The following GALNT17 variants were observed in gnomAD, a reference collection of about 807,000 sequenced individuals.
GALNT17 encodes polypeptide N-acetylgalactosaminyltransferase 17, also known as UDP-GalNAc:polypeptide N-acetylgalactosaminyltransferase-like 3.
A neutral mutation model predicts 63.7 loss-of-function variants in GALNT17; 29 were observed. The ratio of observed to expected loss-of-function variants is 0.46; its 90% confidence interval spans 0.34 to 0.62. The LOEUF is 0.62. GALNT17 is among the 20% of genes least tolerant of loss of function. The pLI is 0.01. For missense variants in GALNT17, 603 were observed against 799.6 expected, an observed-to-expected ratio of 0.75 and a Z score of 2.97; for synonymous variants, 305 against 318.3, an observed-to-expected ratio of 0.96 and a Z score of 0.45.
At chr7:71,323,162 C>A (rs538146270) in intron 1 of GALNT17, among the ~76,000 whole-genome samples, 3 of 152,136 alleles carry the variant, frequency 2.0e-5, no homozygotes, top group African/African-American at 7.2e-5. Context: ...AAAGTGTAAT[C>A]TGCATGATTG....
At chr7:71,486,385 T>C (rs190866975) in intron 5 of GALNT17, among the ~76,000 whole-genome samples, 1 of 130,106 alleles carries the variant, frequency 7.7e-6, no homozygotes, top group Admixed American at 8.0e-5. Flanking sequence ...ATAATAATAA[T>C]AATAGTAAAT....
At chr7:71,441,282 T>C (rs2116518371) in intron 5 of GALNT17, among the ~76,000 whole-genome samples, 1 of 152,140 alleles carries the variant, frequency 6.6e-6, no homozygotes, top group East Asian at 1.9e-4. Context: ...TGGCCTCCCA[T>C]ACCAAATTTT....
At chr7:71,500,809 A>G (rs1788168540) in intron 5 of GALNT17, among the ~76,000 whole-genome samples, 1 of 152,058 alleles carries the variant, frequency 6.6e-6, no homozygotes, top group Admixed American at 6.5e-5. Flanking sequence ...GGCCATGGTT[A>G]AGACAATTCC....
chr7:71,518,333 A>T (rs1788475618), intron 5 of GALNT17, among the ~76,000 whole-genome samples: 1 of 152,152 alleles, frequency 6.6e-6, no homozygotes, highest in African/African-American at 2.4e-5. Flanking sequence ...AATTATCTTC[A>T]TATCATCATT....
intron 1 of GALNT17, among the ~76,000 whole-genome samples, chr7:71,275,178 T>C (rs923116664): frequency 1.3e-5 from 2 of 152,178 alleles, no homozygotes; most frequent in Non-Finnish European, 2.9e-5. Flanking sequence ...CAAGTAAATA[T>C]AATAATCCTT....
At chr7:71,649,452 G>C (rs1790724249) in intron 6 of GALNT17, among the ~76,000 whole-genome samples, 1 of 152,166 alleles carries the variant, frequency 6.6e-6, no homozygotes, top group Non-Finnish European at 1.5e-5. Flanking sequence ...GTTTTTAAGA[G>C]GATGGGTGAT....
intron 2 of GALNT17, among the ~76,000 whole-genome samples, chr7:71,377,112 A>ATATATATATATATATAT (rs1563047568): frequency 5.2e-5 from 3 of 57,240 alleles, no homozygotes; most frequent in Non-Finnish European, 9.6e-5. Context: ...AAAAATAAAA[A>ATATATATATATATATAT]AAATATATAT....
In GALNT17 at chr7:71,373,216, G is replaced by A. The variant is rs541718958; in HGVS notation, c.423-15019G>A. Among the ~76,000 whole-genome samples the A allele has an allele frequency of 7.9e-5, 12 of 152,294 alleles. No homozygotes were observed. The East Asian group carries it at 2.1e-3, about 27-fold the overall frequency. ...TTCACTAGCCTTGGAAGATGGCCAC[G>A]TTCTTACCAGGAATGGTGGAGTCCC... On this transcript the variant is annotated intron_variant, in intron 2 of 10. Transcript: ENST00000333538.
intron 1 of GALNT17, among the ~76,000 whole-genome samples, chr7:71,274,885 AAT>A: frequency 6.6e-6 from 1 of 152,318 alleles, no homozygotes; most frequent in South Asian, 2.1e-4. Context: ...TTTTCAAAAA[AAT>A]AGTTATCCTG....
At chr7:71,428,974 G>T (rs953677932) in intron 5 of GALNT17, among the ~76,000 whole-genome samples, 1 of 152,168 alleles carries the variant, frequency 6.6e-6, no homozygotes, top group African/African-American at 2.4e-5. Flanking sequence ...TAGGACTCTC[G>T]TCCCTCCCTT....
chr7:71,622,721 AG>A, intron 6 of GALNT17, among the ~76,000 whole-genome samples: 1 of 152,278 alleles, frequency 6.6e-6, no homozygotes, highest in Non-Finnish European at 1.5e-5. Flanking sequence ...AGATGGGAAG[AG>A]GTGGAAGGAC....
intron 1 of GALNT17, among the ~76,000 whole-genome samples, chr7:71,156,063 G>T (rs1343170921): frequency 6.6e-6 from 1 of 151,826 alleles, no homozygotes; most frequent in East Asian, 1.9e-4. Flanking sequence ...AGGCGTGGTG[G>T]TGTATGCCTG....
intron 1 of GALNT17, among the ~76,000 whole-genome samples, chr7:71,325,701 A>C (rs186933845): frequency 1.1e-4 from 16 of 152,272 alleles, no homozygotes; most frequent in Admixed American, 5.9e-4. Flanking sequence ...AACCACAGAC[A>C]TCGGCAGAGT....
intron 5 of GALNT17, among the ~76,000 whole-genome samples, chr7:71,556,809 A>G (rs900116466): frequency 3.8e-4 from 58 of 152,124 alleles, no homozygotes; most frequent in African/African-American, 1.4e-3. Flanking sequence ...CAGGTGATCC[A>G]CCCACCTTGG....
chr7:71,296,514 T>C (rs946285646), intron 1 of GALNT17, among the ~76,000 whole-genome samples: 2 of 151,388 alleles, frequency 1.3e-5, no homozygotes, highest in Non-Finnish European at 2.9e-5. Context: ...ACTCGGGAGG[T>C]TGAGGCAGGG....
chr7:71,343,051 G>A (rs1792033056), intron 2 of GALNT17, among the ~76,000 whole-genome samples: 1 of 152,184 alleles, frequency 6.6e-6, no homozygotes, highest in Non-Finnish European at 1.5e-5. Context: ...TAGGCCATAG[G>A]CAGTAACCAG....
intron 6 of GALNT17, among the ~76,000 whole-genome samples, chr7:71,632,487 G>A (rs1790466485): frequency 1.3e-5 from 2 of 152,218 alleles, no homozygotes; most frequent in Admixed American, 1.3e-4. Flanking sequence ...GCCCTGTTCT[G>A]ACTTGGGTGA....
At chr7:71,462,441 C>G (rs1359748134) in intron 5 of GALNT17, among the ~76,000 whole-genome samples, 1 of 152,120 alleles carries the variant, frequency 6.6e-6, no homozygotes, top group East Asian at 1.9e-4. Flanking sequence ...TAGCTGTGAA[C>G]CCCCCAAATT....
At chr7:71,384,817 C>T (rs1323177691) in intron 2 of GALNT17, among the ~76,000 whole-genome samples, 1 of 152,130 alleles carries the variant, frequency 6.6e-6, no homozygotes, top group East Asian at 1.9e-4. Context: ...ACATTTCTCC[C>T]TCTGTTCTTG....
Sources: gnomAD v4.1 joint callset for allele counts (sites outside exome capture counted in the v4.1 genomes callset) on GRCh38, gnomAD v4.1.1 for gene constraint, MANE v1.5 for transcripts, NCBI Gene and HGNC (gene_info 2026-07-23, HGNC 2026-07-21) for gene names.